The following CDH1 variants were observed in gnomAD, a reference collection of about 807,000 sequenced individuals.
The protein encoded by CDH1 is cadherin 1.
In CDH1, 35 loss-of-function variants were observed where a neutral mutation model predicts 84.5. That is an observed-to-expected ratio of 0.41 (90% CI 0.32 to 0.55). The LOEUF is 0.55. Among genes scored for constraint, CDH1 ranks in the 20% least tolerant of loss-of-function variants. CDH1 has a pLI of 0.19. For missense variants in CDH1, 994 were observed against 1,126.6 expected (o/e 0.88, Z 1.68); for synonymous variants, 417 against 439.0 (o/e 0.95, Z 0.63).
intron 3 of CDH1, among the ~76,000 whole-genome samples, chr16:68,807,938 G>T (rs1346451026): frequency 6.6e-6 from 1 of 152,174 alleles, no homozygotes; most frequent in Admixed American, 6.6e-5. Context: ...CAGCCATGGT[G>T]GTGCACACCT....
rs543239665 is a variant in CDH1 at position 68,745,327 on chromosome 16, A to T, written c.163+6916A>T. On this transcript the variant is annotated intron_variant, in intron 2 of 15. Coordinates refer to ENST00000261769, the MANE Select transcript of CDH1 (RefSeq NM_004360.5). ...CGAGACCCCCATCTCTACAAAGATT[A>T]AAAAAAAAATTTAGCCAGGTATGGT... is the stretch of plus-strand genomic sequence containing the variant. 1.1e-4 allele frequency among the ~76,000 whole-genome samples: 17 copies of T among 148,250 alleles called. No individual in the cohort carries two copies. In the East Asian group the frequency reaches 1.4e-3, roughly 12 times the overall value.
chr16:68,772,518 T>G (rs1377979520), intron 2 of CDH1, among the ~76,000 whole-genome samples: 1 of 152,180 alleles, frequency 6.6e-6, no homozygotes, highest in African/African-American at 2.4e-5. Context: ...TATGGACCAC[T>G]TACAACTGGC....
rs542906732 is a variant in CDH1 at position 68,802,018 on chromosome 16, C to T, written c.387+125C>T. 13 of 804,460 alleles carry T rather than the reference C, an allele frequency of 1.6e-5. No individual in the cohort carries two copies. The South Asian group carries it at 1.9e-4, about 12-fold the overall frequency. 49.8% of individuals were successfully genotyped at this position (804,460 alleles called of 1,614,324 possible). A position where few individuals can be genotyped will look rare whatever the true frequency, so the allele number is the denominator to read the frequency against. ...TTTGTGTTGTAGGGGTTGTCCTGTG[C>T]ACTGTGTAGGATGTTTAGCAAGCAT... On this transcript the variant is annotated intron_variant, in intron 3 of 15. Transcript: ENST00000261769.
At chr16:68,801,230 G>A (rs965026377) in intron 2 of CDH1, among the ~76,000 whole-genome samples, 1 of 152,108 alleles carries the variant, frequency 6.6e-6, no homozygotes, top group African/African-American at 2.4e-5. Flanking sequence ...TCCTGCCTCA[G>A]CCTCCCAAGT....
intron 2 of CDH1, among the ~76,000 whole-genome samples, chr16:68,770,222 C>CT (rs1327265094): frequency 2.0e-5 from 3 of 152,272 alleles, no homozygotes; most frequent in African/African-American, 4.8e-5. Flanking sequence ...GGAGCTCTGC[C>CT]TCCTGTCCTA....
chr16:68,796,193 C>T (rs779496320), intron 2 of CDH1, among the ~76,000 whole-genome samples: 6 of 151,942 alleles, frequency 3.9e-5, no homozygotes, highest in Non-Finnish European at 7.4e-5. Context: ...TTGCTAAATG[C>T]AGTATTCTTT....
chr16:68,744,950 A>G (rs1962682359), intron 2 of CDH1, among the ~76,000 whole-genome samples: 1 of 152,200 alleles, frequency 6.6e-6, no homozygotes, highest in Non-Finnish European at 1.5e-5. Context: ...TTAAGCAAAC[A>G]GTGCACTGCA....
chr16:68,820,541 G>T (rs1416176355), intron 11 of CDH1, among the ~76,000 whole-genome samples: 1 of 151,900 alleles, frequency 6.6e-6, no homozygotes, highest in Non-Finnish European at 1.5e-5. Flanking sequence ...TAGTAGAAAC[G>T]GGGTTTCACC....
At chr16:68,820,860 G>A (rs1339417599) in intron 11 of CDH1, among the ~76,000 whole-genome samples, 1 of 152,032 alleles carries the variant, frequency 6.6e-6, no homozygotes, top group Non-Finnish European at 1.5e-5. Flanking sequence ...GAGGCCAGGA[G>A]TTCAAGACTA....
intron 15 of CDH1, among the ~76,000 whole-genome samples, chr16:68,830,962 G>A (rs1017887682): frequency 6.6e-6 from 1 of 150,664 alleles, no homozygotes; most frequent in Non-Finnish European, 1.5e-5. Context: ...CTTAAGTTAT[G>A]TTCTCTAGTA....
rs2152133545 is a variant in CDH1, at chr16:68,813,431, A to G, written c.1256A>G (p.Asp419Gly). 3 of 1,614,194 alleles carry G rather than the reference A, an allele frequency of 1.9e-6. No individual in the cohort carries two copies. Among genetic ancestry groups the G allele is most frequent in the Non-Finnish European group, 2.5e-6 (3 of 1,180,036 alleles). Residue 419 changes from aspartate to glycine, a missense_variant, in exon 9 of 16, where the codon GAT becomes GGT. By Grantham distance (94) the Asp-to-Gly change is moderately conservative. This residue lies in a region of CDH1 where 769 missense variants were observed against 881.8 expected (regional missense o/e 0.87). Transcript: ENST00000261769. Reference protein sequence around the residue: ...WEAVYTILNDDGGQFVVTTNP... With the variant: ...WEAVYTILNDGGGQFVVTTNP... ...GCTGTATACACCATATTGAATGATG[A>G]TGGTGGACAATTTGTCGTCACCACA... is the stretch of plus-strand genomic sequence containing the variant.
At chr16:68,782,070 A>G (rs1283066242) in intron 2 of CDH1, among the ~76,000 whole-genome samples, 1 of 152,186 alleles carries the variant, frequency 6.6e-6, no homozygotes, top group African/African-American at 2.4e-5. Context: ...TCCCCATGGT[A>G]TCAAATCTTT....
chr16:68,753,045 C>G (rs2152117704), intron 2 of CDH1, among the ~76,000 whole-genome samples: 1 of 151,914 alleles, frequency 6.6e-6, no homozygotes, highest in Middle Eastern at 3.4e-3. Context: ...GCAAAAAGCT[C>G]AAAGACAAAA....
At chr16:68,832,557 C>T (rs531237731) in intron 15 of CDH1, among the ~76,000 whole-genome samples, 25 of 152,048 alleles carry the variant, frequency 1.6e-4, no homozygotes, top group Non-Finnish European at 2.8e-4. Context: ...CAGTGGCTCA[C>T]GCCTGTAATC....
At position 68,748,499 on chromosome 16, in the gene CDH1, G is replaced by A. The variant is rs554974931; in HGVS notation, c.163+10088G>A. Among the ~76,000 whole-genome samples the A allele has an allele frequency of 1.9e-4, 29 of 152,292 alleles. No homozygotes were observed. The South Asian group carries it at 5.8e-3, about 30-fold the overall frequency. ...TTTTATTTTCTTTTTATAGCTATGC[G>A]GTATGGATGCACCATAGGTTATTTA... On this transcript the variant is annotated intron_variant, in intron 2 of 15. Transcript: ENST00000261769.
intron 14 of CDH1, among the ~76,000 whole-genome samples, 166 bp from the exon 15 acceptor site, chr16:68,829,488 G>A (rs1448475375): frequency 1.3e-5 from 2 of 152,146 alleles, no homozygotes; most frequent in Non-Finnish European, 2.9e-5. Context: ...AGTGCTATTT[G>A]GGAGACTTTT....
At chr16:68,822,468 C>G in intron 12 of CDH1, 2 of 584,286 alleles carry the variant, frequency 3.4e-6, no homozygotes, top group South Asian at 1.9e-5. Context: ...CTCCCAGCCT[C>G]TAGCCACCCT....
chr16:68,818,020 T>C (rs186527041), intron 10 of CDH1, among the ~76,000 whole-genome samples: 1 of 151,888 alleles, frequency 6.6e-6, no homozygotes, highest in East Asian at 1.9e-4. Flanking sequence ...GGGTGGATCA[T>C]CTGAGGTCAG....
At chr16:68,750,708 G>GT (rs760443205) in intron 2 of CDH1, among the ~76,000 whole-genome samples, 4,206 of 136,950 alleles carry the variant, frequency 0.031, 56 homozygotes, top group African/African-American at 0.041. Context: ...TTTCTCCTTG[G>GT]TTTTTTTTTT....
Sources: allele counts gnomAD v4.1 joint callset (sites outside exome capture counted in the v4.1 genomes callset), GRCh38; gene constraint gnomAD v4.1.1; regional missense constraint gnomAD v4.1.1; transcripts MANE v1.5; gene names NCBI Gene and HGNC (gene_info 2026-07-23, HGNC 2026-07-21).